EIF4A2: variants seen among roughly 807,000 people sequenced by gnomAD.
EIF4A2 encodes eukaryotic translation initiation factor 4A2, also known as eukaryotic initiation factor 4A-II.
In EIF4A2, 9 loss-of-function variants were observed where a neutral mutation model predicts 50.6. The observed-to-expected ratio is 0.18, with a 90% CI of 0.11 to 0.31. The LOEUF is 0.31. Among genes scored for constraint, EIF4A2 ranks in the 10% least tolerant of loss-of-function variants. The pLI is 1.00. For missense variants in EIF4A2, 182 were observed against 501.8 expected (o/e 0.36, Z 6.09); for synonymous variants, 215 against 164.4 (o/e 1.31, Z -2.35).
rs111446641 is a variant in EIF4A2, at chr3:186,786,423, CAG to C, written c.628-75_628-74del. On this transcript the variant is annotated intron_variant, in intron 6 of 10. Coordinates refer to ENST00000323963, the MANE Select transcript of EIF4A2 (RefSeq NM_001967.4). ...TGTCTACCTTCATTCCGTAGTAAGA[CAG>C]AGACGCTTGGCTTCAGACATTTTCC... 1,446 of 1,570,348 alleles carry C rather than the reference CAG, an allele frequency of 9.2e-4. 12 individuals are homozygous for C. The African/African-American group carries it at 0.016, about 18-fold the overall frequency.
rs1351246881 is a variant in EIF4A2 at position 186,789,332 on chromosome 3, A to T, written c.*63A>T. ...TGCTGAATAGGCGATCACAACGTGC[A>T]TTGTGCTTCTTTCTTTGGGAATATT... On this transcript the variant is annotated 3_prime_UTR_variant, in exon 11 of 11. Coordinates refer to ENST00000323963, the MANE Select transcript of EIF4A2 (RefSeq NM_001967.4). 2 of 1,535,378 alleles carry T rather than the reference A, an allele frequency of 1.3e-6. No homozygotes were observed. The highest frequency in any genetic ancestry group is 1.4e-5 in the African/African-American group (1 of 72,146).
intron 10 of EIF4A2, chr3:186,788,199 G>T: frequency 1.1e-6 from 1 of 925,902 alleles, no homozygotes; most frequent in Non-Finnish European, 1.5e-6. Flanking sequence ...TCTTGGTGTC[G>T]CCTGGTAGCA....
In EIF4A2 at chr3:186,788,565, GTTTGGCAGTTAAA is replaced by G. The variant is rs1012367729; in HGVS notation, c.1080-559_1080-547del. 40 of 542,874 alleles carry G rather than the reference GTTTGGCAGTTAAA, an allele frequency of 7.4e-5. No individual in the cohort carries two copies. The African/African-American group carries it at 7.7e-4, about 11-fold the overall frequency. The allele number at this position is 542,874 out of a possible 1,614,324, so 33.6% of individuals were successfully genotyped here. Reference sequence around the variant, plus strand: ...TCTGGTTTCTAACATGCAGGTAGCTGTTTGGCAGTTAAACACGTTTAGAGTAATTTGAGTTACA... The same window carrying G: ...TCTGGTTTCTAACATGCAGGTAGCTGCACGTTTAGAGTAATTTGAGTTACA... On this transcript the variant is annotated intron_variant, in intron 10 of 10. Coordinates refer to ENST00000323963, the MANE Select transcript of EIF4A2 (RefSeq NM_001967.4).
Position 186,787,663 on chromosome 3 carries a change from C to T in EIF4A2, c.999+79C>T, listed in dbSNP as rs1179869170. 5 of 1,596,594 alleles carry T rather than the reference C, an allele frequency of 3.1e-6. No homozygotes were observed. In the African/African-American group the frequency reaches 6.7e-5, roughly 21 times the overall value. On this transcript the variant is annotated intron_variant, in intron 9 of 10. Coordinates refer to ENST00000323963, the MANE Select transcript of EIF4A2 (RefSeq NM_001967.4). ...CAGGTTTTTAAGTAACCTTTGCCAA[C>T]TTGGGCTATTTGGAAGAGTAAAAGA...
Position 186,787,785 on chromosome 3 carries a change from CAT to C in EIF4A2, c.1000-17_1000-16del. 6.2e-7 allele frequency: 1 copy of C among 1,613,928 alleles called. No individual in the cohort carries two copies. The highest frequency in any genetic ancestry group is 8.5e-7 in the Non-Finnish European group (1 of 1,179,920). ...AGTTTTTTTGAATCAATTTTTAAAA[CAT>C]GCCATTGTGTTTCAGGCTCGCGGGA... On this transcript the variant is annotated splice_polypyrimidine_tract_variant and intron_variant, in intron 9 of 10. Transcript: ENST00000323963.
chr3:186,783,670 A>G (rs758809404), intron 1 of EIF4A2, 31 bp downstream of exon 1: 3 of 1,614,072 alleles, frequency 1.9e-6, no homozygotes, highest in Non-Finnish European at 2.5e-6. Flanking sequence ...CGCGGTCTGT[A>G]GTGAAGGTCA....
chr3:186,787,773 C>A, intron 9 of EIF4A2, 30 bp from the exon 10 acceptor site: 5 of 1,613,738 alleles, frequency 3.1e-6, no homozygotes, highest in Non-Finnish European at 4.2e-6. Flanking sequence ...TTTTTTGAAT[C>A]AATTTTTAAA....
chr3:186,786,633 T>C lies in EIF4A2; in HGVS notation c.759T>C (p.Asn253=), dbSNP rs545904669. Residue 253 remains asparagine, a synonymous_variant, in exon 7 of 11, where the codon AAT becomes AAC. Coordinates refer to ENST00000323963, the MANE Select transcript of EIF4A2 (RefSeq NM_001967.4). ...AAGGAATCAAACAGTTTTATATTAATGTTGAGAGAGAGGTAACTGTCTGAT... is the reference window on the plus strand; with the variant it reads ...AAGGAATCAAACAGTTTTATATTAACGTTGAGAGAGAGGTAACTGTCTGAT... ...TLEGIKQFYI[N]VEREEWKLDT... is the part of the protein sequence containing the mutation. The C allele has an allele frequency of 1.9e-5, 30 of 1,614,024 alleles. No individual in the cohort carries two copies. Among genetic ancestry groups the C allele is most frequent in the Non-Finnish European group, 2.5e-5 (29 of 1,179,926 alleles).
rs536496773 is a variant in EIF4A2, at chr3:186,789,701, T to C, written c.*432T>C. On this transcript the variant is annotated 3_prime_UTR_variant, in exon 11 of 11. Coordinates refer to ENST00000323963, the MANE Select transcript of EIF4A2 (RefSeq NM_001967.4). ...AGTAGAAAGGCCTTTAAAATTTTTT[T>C]AGAAAGCATTTGAATGCATTTTGTT... The C allele has an allele frequency of 6.6e-4, 250 of 380,196 alleles. 1 individual carries two copies. Among genetic ancestry groups the C allele is most frequent in the African/African-American group, 4.8e-3 (231 of 48,114 alleles). 23.6% of individuals were successfully genotyped at this position (380,196 alleles called of 1,614,324 possible). A position where few individuals can be genotyped will look rare whatever the true frequency, so the allele number is the denominator to read the frequency against.
rs1484771631 is a variant in EIF4A2, at chr3:186,789,446, A to G, written c.*177A>G. On this transcript the variant is annotated 3_prime_UTR_variant, in exon 11 of 11. Coordinates refer to ENST00000323963, the MANE Select transcript of EIF4A2 (RefSeq NM_001967.4). Reference sequence around the variant, plus strand: ...GTCGTGAGCTCTTGTGAGGAAAGTCATTGGCTTTATCCTCTTTAGAGTTAG... The same window carrying G: ...GTCGTGAGCTCTTGTGAGGAAAGTCGTTGGCTTTATCCTCTTTAGAGTTAG... The G allele has an allele frequency of 6.2e-6, 5 of 810,352 alleles. No individual in the cohort carries two copies. In the African/African-American group the frequency reaches 8.9e-5, roughly 14 times the overall value. 50.2% of individuals were successfully genotyped at this position (810,352 alleles called of 1,614,324 possible). A position where few individuals can be genotyped will look rare whatever the true frequency, so the allele number is the denominator to read the frequency against.
Position 186,786,269 on chromosome 3 carries a change from T to C in EIF4A2, c.623T>C (p.Ile208Thr). 6.2e-7 allele frequency: 1 copy of C among 1,612,820 alleles called. No homozygotes were observed. Among genetic ancestry groups the C allele is most frequent in the Non-Finnish European group, 8.5e-7 (1 of 1,179,362 alleles). Residue 208 changes from isoleucine (I) to threonine (T), a missense_variant, in exon 6 of 11, where the codon ATT (isoleucine) becomes ACT (threonine). Ile to Thr is a moderately conservative substitution (Grantham distance 89, BLOSUM62 -1). Transcript: ENST00000323963. ...YEIFQKLNTSIQVVLLSATMP... is the reference protein window; with the variant it reads ...YEIFQKLNTSTQVVLLSATMP... ...ATTTTCCAAAAACTAAACACAAGTA[T>C]TCAGGTAAGCATTACTTCACCCCCC...
At chr3:186,786,875 T>C (rs1217103180) in intron 7 of EIF4A2, 2 of 884,346 alleles carry the variant, frequency 2.3e-6, no homozygotes, top group African/African-American at 1.7e-5. Flanking sequence ...CAGAATGAAG[T>C]TAATTTTTAT....
At position 186,789,278 on chromosome 3, in the gene EIF4A2, A is replaced by AT. The variant is rs748275688; in HGVS notation, c.*10dup. On this transcript the variant is annotated 3_prime_UTR_variant, in exon 11 of 11. Transcript: ENST00000323963. ...TGGCTGACCTTATTTAATTCCTGGG[A>AT]TGAGAGTTTTGGATGCAGTGCTCGC... 1.9e-6 allele frequency: 3 copies of AT among 1,602,288 alleles called. No homozygotes were observed. The Admixed American group carries it at 5.1e-5, about 27-fold the overall frequency.
chr3:186,784,905 G>A (rs781765741), intron 3 of EIF4A2, 57 bp from the exon 4 acceptor site: 1 of 1,613,484 alleles, frequency 6.2e-7, no homozygotes, highest in South Asian at 1.1e-5. Flanking sequence ...TACATGGTGT[G>A]AAGTAGAAGT....
intron 1 of EIF4A2, 163 bp from the exon 2 acceptor site, chr3:186,784,269 A>C (rs536800440): frequency 9.6e-7 from 1 of 1,038,408 alleles, no homozygotes; most frequent in African/African-American, 1.6e-5. Flanking sequence ...GCAGGCCCCA[A>C]CCTTTAGGGA....
chr3:186,788,921 C>T, intron 10 of EIF4A2: 1 of 591,024 alleles, frequency 1.7e-6, no homozygotes, highest in East Asian at 3.3e-5. Flanking sequence ...ATTTTGCAGC[C>T]AGACAAGCCT....
chr3:186,788,212 T>A, intron 10 of EIF4A2: 1 of 1,083,612 alleles, frequency 9.2e-7, no homozygotes, highest in Non-Finnish European at 1.2e-6. Context: ...TGGTAGCAAT[T>A]TGAGTGAACC....
At chr3:186,784,394 C>T (rs763582290) in intron 1 of EIF4A2, 38 bp from the exon 2 acceptor site, 70 of 1,613,972 alleles carry the variant, frequency 4.3e-5, no homozygotes, top group Non-Finnish European at 5.5e-5. Flanking sequence ...TTGAGGTGGC[C>T]TGGAAGGGGT....
rs1161787169 is a variant in EIF4A2, at chr3:186,785,393, CAT to C, written c.348+293_348+294del. ...TTGTGCAACATGAAAACTGCAGTGA[CAT>C]GTTACCATTTGACTGTCTCCGTAGT... On this transcript the variant is annotated intron_variant, in intron 4 of 10. Transcript: ENST00000323963. 8 of 437,498 alleles carry C rather than the reference CAT, an allele frequency of 1.8e-5. No homozygotes were observed. The South Asian group carries it at 1.8e-4, about 10-fold the overall frequency. The allele number at this position is 437,498 out of a possible 1,614,324, so 27.1% of individuals were successfully genotyped here. A position where few individuals can be genotyped will look rare whatever the true frequency, so the allele number is the denominator to read the frequency against.
Sources: allele counts gnomAD v4.1 joint callset, GRCh38; gene constraint gnomAD v4.1.1; transcripts MANE v1.5; gene names NCBI Gene and HGNC (gene_info 2026-07-23, HGNC 2026-07-21).